Variants in ARHGAP28 observed in about 807,000 individuals in gnomAD.
ARHGAP28 encodes the protein rho GTPase-activating protein 28.
Under a neutral mutation model 90.7 loss-of-function variants are expected in ARHGAP28, and 56 were observed. The observed-to-expected ratio is 0.62, with a 90% CI of 0.50 to 0.77. The LOEUF (loss-of-function observed/expected upper bound fraction) is 0.77. Ranked by LOEUF, ARHGAP28 falls within the 30% of genes least tolerant of loss-of-function variation. ARHGAP28 has a pLI of 0.00. For synonymous variants in ARHGAP28, 308 were observed against 323.3 expected (o/e 0.95, Z 0.51); for missense variants, 869 against 900.9 (o/e 0.96, Z 0.45).
chr18:6,803,913 G>A (rs1484496456), intron 1 of ARHGAP28, among the ~76,000 whole-genome samples: 1 of 151,974 alleles, frequency 6.6e-6, no homozygotes, highest in Non-Finnish European at 1.5e-5. Flanking sequence ...CGAGTAGCTG[G>A]GACTACAGGC....
At chr18:6,847,730 A>C (rs947708737) in intron 3 of ARHGAP28, among the ~76,000 whole-genome samples, 1 of 152,028 alleles carries the variant, frequency 6.6e-6, no homozygotes, top group African/African-American at 2.4e-5. Context: ...AAAAATACAT[A>C]ATCTGGTTTG....
chr18:6,738,783 G>A (rs2055950318), intron 1 of ARHGAP28, among the ~76,000 whole-genome samples: 1 of 152,130 alleles, frequency 6.6e-6, no homozygotes, highest in South Asian at 2.1e-4. Context: ...GAGAGAGAGA[G>A]AATAAATAAA....
At chr18:6,783,430 T>C (rs181327746) in intron 1 of ARHGAP28, among the ~76,000 whole-genome samples, 1 of 151,728 alleles carries the variant, frequency 6.6e-6, no homozygotes, top group East Asian at 1.9e-4. Flanking sequence ...GCCTCCCAAG[T>C]AGCTGGGATT....
chr18:6,844,096 A>G (rs2056847811), intron 3 of ARHGAP28, among the ~76,000 whole-genome samples: 1 of 152,208 alleles, frequency 6.6e-6, no homozygotes, highest in African/African-American at 2.4e-5. Context: ...GATTTAATTT[A>G]TCTCCAGCTT....
At chr18:6,843,205 T>G (rs537145684) in intron 3 of ARHGAP28, among the ~76,000 whole-genome samples, 23 of 152,200 alleles carry the variant, frequency 1.5e-4, no homozygotes, top group African/African-American at 5.5e-4. Context: ...CCAAGTGAAA[T>G]GCAATTCAGC....
At chr18:6,767,694 T>TTC (rs1233165866) in intron 1 of ARHGAP28, among the ~76,000 whole-genome samples, 1 of 152,220 alleles carries the variant, frequency 6.6e-6, no homozygotes, top group Non-Finnish European at 1.5e-5. Flanking sequence ...CTTATCTTTG[T>TTC]TCTTCTGTAT....
intron 1 of ARHGAP28, among the ~76,000 whole-genome samples, chr18:6,732,625 C>G (rs2055892199): frequency 2.0e-5 from 3 of 152,174 alleles, no homozygotes; most frequent in Admixed American, 6.5e-5. Flanking sequence ...TGTTTCCCTT[C>G]AACATTGAGG....
intron 1 of ARHGAP28, among the ~76,000 whole-genome samples, chr18:6,768,009 C>T (rs924799366): frequency 6.6e-6 from 1 of 152,106 alleles, no homozygotes; most frequent in Non-Finnish European, 1.5e-5. Flanking sequence ...CTTTTGTTCC[C>T]TGTGTGTTTC....
chr18:6,861,245 T>C (rs1014362239), intron 5 of ARHGAP28, among the ~76,000 whole-genome samples: 12 of 152,134 alleles, frequency 7.9e-5, no homozygotes, highest in African/African-American at 2.9e-4. Context: ...CCTCCTCCCC[T>C]CTTCATGCGC....
rs148361121 is a variant in ARHGAP28 at position 6,829,854 on chromosome 18, A to G, written c.325+4890A>G. The stretch of plus-strand genomic sequence containing the variant: ...AGGGCTGCTGTAACAAAGTACCACA[A>G]AACTAGTGGCTTAAAACAGCAGGAC... On this transcript the variant is annotated intron_variant, in intron 2 of 17. Coordinates refer to ENST00000383472, the MANE Select transcript of ARHGAP28 (RefSeq NM_001366230.1). 3.1e-3 allele frequency among the ~76,000 whole-genome samples: 465 copies of G among 152,322 alleles called. 3 individuals are homozygous for G. The highest frequency in any genetic ancestry group is 0.01 in the African/African-American group (434 of 41,580).
At chr18:6,777,959 T>C (rs993677020) in intron 1 of ARHGAP28, among the ~76,000 whole-genome samples, 1 of 152,158 alleles carries the variant, frequency 6.6e-6, no homozygotes, top group Admixed American at 6.5e-5. Context: ...GGGACTCTGA[T>C]TGGACATAGG....
intron 2 of ARHGAP28, among the ~76,000 whole-genome samples, chr18:6,833,418 C>T (rs544102169): frequency 3.0e-4 from 46 of 151,838 alleles, no homozygotes; most frequent in African/African-American, 9.4e-4. Flanking sequence ...AATTGAAAAA[C>T]GTGTTTCTCT....
chr18:6,871,196 C>T lies in ARHGAP28; in HGVS notation c.954+464C>T, dbSNP rs1391860124. Among the ~76,000 whole-genome samples, 4 of 152,206 alleles carry T rather than the reference C, an allele frequency of 2.6e-5. No homozygotes were observed. The East Asian group carries it at 7.7e-4, about 29-fold the overall frequency. ...TACCATTGGGGGTGTTATGTGGGCA[C>T]CACTTGTTGTGCAGTGCACAGCCTG... On this transcript the variant is annotated intron_variant, in intron 7 of 17. Transcript: ENST00000383472.
intron 4 of ARHGAP28, among the ~76,000 whole-genome samples, chr18:6,852,624 T>C (rs895239030): frequency 2.6e-5 from 4 of 152,088 alleles, no homozygotes; most frequent in African/African-American, 7.2e-5. Context: ...TGCAAAACAA[T>C]GTACTAATAG....
At chr18:6,751,386 C>T (rs527769907) in intron 1 of ARHGAP28, among the ~76,000 whole-genome samples, 6 of 151,826 alleles carry the variant, frequency 4.0e-5, no homozygotes, top group Non-Finnish European at 5.9e-5. Flanking sequence ...TGTTTTTCAA[C>T]TGTGAAACTG....
chr18:6,901,203 C>T (rs2143817011), intron 16 of ARHGAP28, among the ~76,000 whole-genome samples: 1 of 152,240 alleles, frequency 6.6e-6, no homozygotes, highest in Middle Eastern at 3.4e-3. Flanking sequence ...GAGAGGAGAA[C>T]ATCAGAATGG....
chr18:6,855,634 G>A (rs1191820823), intron 4 of ARHGAP28, among the ~76,000 whole-genome samples: 1 of 152,230 alleles, frequency 6.6e-6, no homozygotes, highest in Non-Finnish European at 1.5e-5. Flanking sequence ...GCTGAAACAC[G>A]CTTCCCACTT....
intron 10 of ARHGAP28, among the ~76,000 whole-genome samples, chr18:6,879,771 G>A (rs977155109): frequency 6.6e-6 from 1 of 152,246 alleles, no homozygotes; most frequent in Non-Finnish European, 1.5e-5. Flanking sequence ...CAGCATGGCA[G>A]GCCCTGCCCT....
At chr18:6,824,123 A>G (rs974167411) in intron 1 of ARHGAP28, among the ~76,000 whole-genome samples, 1 of 152,212 alleles carries the variant, frequency 6.6e-6, no homozygotes, top group Non-Finnish European at 1.5e-5. Flanking sequence ...GGTTACAGAA[A>G]CAAACTTTTA....
Sources: gnomAD v4.1 joint callset for allele counts (sites outside exome capture counted in the v4.1 genomes callset) on GRCh38, gnomAD v4.1.1 for gene constraint, MANE v1.5 for transcripts, NCBI Gene and HGNC (gene_info 2026-07-23, HGNC 2026-07-21) for gene names.